SAMD12: variants seen among roughly 807,000 people sequenced by gnomAD.
SAMD12 encodes sterile alpha motif domain containing 12.
Under a neutral mutation model 15.0 loss-of-function variants are expected in SAMD12, and 9 were observed. The observed-to-expected ratio is 0.60, with a 90% confidence interval of 0.36 to 1.05. The LOEUF is 1.05. Ranked by LOEUF, SAMD12 falls within the 50% of genes least tolerant of loss-of-function variation. SAMD12 has a pLI of 0.01. For synonymous variants in SAMD12, 86 were observed against 90.1 expected, an observed-to-expected ratio of 0.96 and a Z score of 0.25; for missense variants, 230 against 234.2, an observed-to-expected ratio of 0.98 and a Z score of 0.12.
At chr8:118,497,730 G>T (rs540749893) in intron 2 of SAMD12, among the ~76,000 whole-genome samples, 12 of 114,446 alleles carry the variant, frequency 1.0e-4, no homozygotes, top group East Asian at 2.7e-4. Flanking sequence ...TTGCGGGGGG[G>T]GGTGGGGGGA....
chr8:118,370,092 A>G (rs1819004323), intron 4 of SAMD12, among the ~76,000 whole-genome samples: 1 of 152,186 alleles, frequency 6.6e-6, no homozygotes, highest in African/African-American at 2.4e-5. Flanking sequence ...TTACAAGAAG[A>G]AAACAAACAA....
chr8:118,564,309 G>A (rs1415530784), intron 2 of SAMD12, among the ~76,000 whole-genome samples: 1 of 151,790 alleles, frequency 6.6e-6, no homozygotes, highest in African/African-American at 2.4e-5. Context: ...TACAGCTGCT[G>A]AGTACCCAGC....
intron 4 of SAMD12, among the ~76,000 whole-genome samples, chr8:118,336,145 A>T (rs1368226812): frequency 6.6e-6 from 1 of 152,220 alleles, no homozygotes; most frequent in East Asian, 1.9e-4. Flanking sequence ...TAGTCACATG[A>T]TCAGAGAGTG....
At chr8:118,223,742 CT>C (rs1459205606) in intron 4 of SAMD12, among the ~76,000 whole-genome samples, 1 of 152,176 alleles carries the variant, frequency 6.6e-6, no homozygotes, top group Non-Finnish European at 1.5e-5. Context: ...TGAGAATGAA[CT>C]CATAAACAGT....
chr8:118,258,447 CACAATTATTGTTATTA>C (rs1397197019), intron 4 of SAMD12, among the ~76,000 whole-genome samples: 24 of 147,042 alleles, frequency 1.6e-4, no homozygotes, highest in Non-Finnish European at 1.8e-4. Flanking sequence ...TGTTTCCTTC[CACAATTATTGTTATTA>C]TTTGAGTGCC....
chr8:118,539,032 G>A (rs1402491321), intron 2 of SAMD12, among the ~76,000 whole-genome samples: 1 of 152,172 alleles, frequency 6.6e-6, no homozygotes, highest in African/African-American at 2.4e-5. Context: ...ACCCTTTCTA[G>A]CAATTCAAGC....
chr8:118,562,942 T>C (rs904632162), intron 2 of SAMD12, among the ~76,000 whole-genome samples: 1 of 152,158 alleles, frequency 6.6e-6, no homozygotes, highest in Non-Finnish European at 1.5e-5. Flanking sequence ...AGGGGAATGA[T>C]AGAAACATAA....
At chr8:118,172,535 A>G in the SAMD12 span, among the ~76,000 whole-genome samples, 7 of 152,286 alleles carry the variant, frequency 4.6e-5, no homozygotes, top group Non-Finnish European at 7.3e-5. Context: ...GCTGAGTTGA[A>G]CCTTGGCCAA....
At chr8:118,139,066 G>A in the SAMD12 span, among the ~76,000 whole-genome samples, 1 of 152,164 alleles carries the variant, frequency 6.6e-6, no homozygotes, top group Non-Finnish European at 1.5e-5. Flanking sequence ...ACAAGACCAA[G>A]TGGAGGCAGA....
At chr8:118,200,618 G>C (rs913278737) in intron 4 of SAMD12, among the ~76,000 whole-genome samples, 1 of 152,102 alleles carries the variant, frequency 6.6e-6, no homozygotes, top group South Asian at 2.1e-4. Flanking sequence ...TATGGCAGAG[G>C]AGTGTCATCT....
chr8:118,385,267 T>G (rs1046881043), intron 3 of SAMD12, among the ~76,000 whole-genome samples: 17 of 152,286 alleles, frequency 1.1e-4, no homozygotes, highest in Non-Finnish European at 2.5e-4. Context: ...TTCCATAATG[T>G]GGGTGGGCCT....
intron 3 of SAMD12, among the ~76,000 whole-genome samples, chr8:118,432,775 C>G (rs902541886): frequency 1.3e-5 from 2 of 152,036 alleles, no homozygotes; most frequent in Non-Finnish European, 2.9e-5. Context: ...TTTGACAACC[C>G]TTGAAAGTAG....
chr8:118,515,306 T>C (rs1395645217), intron 2 of SAMD12, among the ~76,000 whole-genome samples: 1 of 149,952 alleles, frequency 6.7e-6, no homozygotes, highest in Admixed American at 6.8e-5. Flanking sequence ...GTTTAAAAGT[T>C]TTTAGCACCT....
chr8:118,258,777 T>A (rs1007059415), intron 4 of SAMD12, among the ~76,000 whole-genome samples: 1 of 152,110 alleles, frequency 6.6e-6, no homozygotes, highest in East Asian at 1.9e-4. Flanking sequence ...AAAGTCGATA[T>A]AGGTAACACC....
chr8:118,306,838 C>T (rs777610357), intron 4 of SAMD12, among the ~76,000 whole-genome samples: 5 of 152,064 alleles, frequency 3.3e-5, no homozygotes, highest in African/African-American at 9.7e-5. Context: ...CTTGATCTTC[C>T]GATCTTATCC....
At chr8:118,487,853 C>T (rs1428950802) in intron 2 of SAMD12, among the ~76,000 whole-genome samples, 1 of 152,034 alleles carries the variant, frequency 6.6e-6, no homozygotes, top group East Asian at 1.9e-4. Context: ...CAAATGATGG[C>T]TTTATAACTT....
intron 2 of SAMD12, among the ~76,000 whole-genome samples, chr8:118,520,856 G>C (rs1284782175): frequency 6.6e-6 from 1 of 152,032 alleles, no homozygotes; most frequent in African/African-American, 2.4e-5. Flanking sequence ...CTGAGAGAAA[G>C]GTTAAAGCCA....
At chr8:118,327,505 T>A (rs1054966668) in intron 4 of SAMD12, among the ~76,000 whole-genome samples, 7 of 152,142 alleles carry the variant, frequency 4.6e-5, no homozygotes, top group African/African-American at 1.7e-4. Flanking sequence ...TGGAGAACAA[T>A]CAGCAGTCTC....
chr8:118,132,468 T>C, the SAMD12 span, among the ~76,000 whole-genome samples: 1 of 152,132 alleles, frequency 6.6e-6, no homozygotes, highest in African/African-American at 2.4e-5. Context: ...GCTTTTATCA[T>C]CAATTCAAGT....
Sources: allele counts gnomAD v4.1 joint callset (sites outside exome capture counted in the v4.1 genomes callset), GRCh38; gene constraint gnomAD v4.1.1; transcripts MANE v1.5; gene names NCBI Gene and HGNC (gene_info 2026-07-23, HGNC 2026-07-21).